Variants in DOCK11 observed in about 807,000 individuals in gnomAD.
DOCK11 encodes the protein dedicator of cytokinesis protein 11.
Under a neutral mutation model 169.1 loss-of-function variants are expected in DOCK11, and 70 were observed. The ratio of observed to expected loss-of-function variants is 0.41; its 90% CI spans 0.34 to 0.51. DOCK11 has a LOEUF of 0.51. Among genes scored for constraint, DOCK11 ranks in the 20% least tolerant of loss-of-function variants. The pLI is 0.10. For missense variants in DOCK11, 1,166 were observed against 1,538.8 expected, an observed-to-expected ratio of 0.76 and a Z score of 4.05; for synonymous variants, 529 against 541.3, an observed-to-expected ratio of 0.98 and a Z score of 0.32.
At chrX:118,510,081 G>T (rs2057640386) in intron 1 of DOCK11, among the ~76,000 whole-genome samples, 2 of 112,215 alleles carry the variant, frequency 1.8e-5, no homozygotes. Flanking sequence ...AATCATGCCT[G>T]CAAAGTCTTC....
chrX:118,531,046 T>G (rs1407909286), intron 1 of DOCK11, among the ~76,000 whole-genome samples: 1 of 111,840 alleles, frequency 8.9e-6, no homozygotes, highest in African/African-American at 3.3e-5. Context: ...CATTGAAAAC[T>G]AACCATTGGA....
chrX:118,656,854 C>A (rs185478775), intron 44 of DOCK11, among the ~76,000 whole-genome samples: 1 of 111,055 alleles, frequency 9.0e-6, no homozygotes, highest in East Asian at 2.8e-4. Context: ...AGCGCTTGAA[C>A]CCAGGAGGCG....
intron 35 of DOCK11, chrX:118,633,967 C>T (rs965376058): frequency 4.4e-5 from 5 of 112,612 alleles, no homozygotes; most frequent in African/African-American, 1.3e-4. Flanking sequence ...CTTTCTCTAG[C>T]GCAAGCCTGT....
At chrX:118,608,493 T>C in intron 26 of DOCK11, 137 bp downstream of exon 26, 1 of 763,756 alleles carries the variant, frequency 1.3e-6, no homozygotes, top group Non-Finnish European at 1.9e-6. Context: ...CATGCATCCT[T>C]TTCCTGAAGT....
At chrX:118,617,638 G>A (rs1429774044) in intron 30 of DOCK11, among the ~76,000 whole-genome samples, 1 of 110,486 alleles carries the variant, frequency 9.1e-6, no homozygotes, top group Admixed American at 9.7e-5. Context: ...CCAGCACTTC[G>A]GGAGGCCAAG....
chrX:118,573,703 C>A, intron 11 of DOCK11, 103 bp from the exon 12 acceptor site: 2 of 618,269 alleles, frequency 3.2e-6, no homozygotes, highest in East Asian at 3.3e-5. Context: ...GAATTGTAAT[C>A]ACAGAAACTG....
intron 49 of DOCK11, 117 bp from the exon 50 acceptor site, chrX:118,680,941 A>C: frequency 2.8e-6 from 2 of 715,719 alleles, no homozygotes; most frequent in Non-Finnish European, 4.1e-6. Flanking sequence ...TGGGACCCTA[A>C]GTCATCTTCT....
chrX:118,635,166 G>C (rs1305067239), intron 35 of DOCK11, among the ~76,000 whole-genome samples: 1 of 112,138 alleles, frequency 8.9e-6, no homozygotes. Flanking sequence ...GACCTCCCCT[G>C]TTCCCTCATC....
chrX:118,524,427 A>G (rs2011327609), intron 1 of DOCK11, among the ~76,000 whole-genome samples: 1 of 111,672 alleles, frequency 9.0e-6, no homozygotes, highest in Non-Finnish European at 1.9e-5. Flanking sequence ...ATCAGAGGAC[A>G]CTAACAGGAG....
chrX:118,668,756 G>T (rs1356651964), intron 45 of DOCK11, among the ~76,000 whole-genome samples: 1 of 111,275 alleles, frequency 9.0e-6, no homozygotes, highest in Non-Finnish European at 1.9e-5. Flanking sequence ...GATGTGTAGT[G>T]TCTTGCCTAC....
At chrX:118,507,394 G>A (rs2057620917) in intron 1 of DOCK11, among the ~76,000 whole-genome samples, 1 of 108,308 alleles carries the variant, frequency 9.2e-6, no homozygotes, top group Non-Finnish European at 1.9e-5. Context: ...CGGAGACAGA[G>A]TCTTGCTCTG....
At chrX:118,627,048 G>A (rs1258405624) in intron 32 of DOCK11, among the ~76,000 whole-genome samples, 1 of 111,956 alleles carries the variant, frequency 8.9e-6, no homozygotes, top group Admixed American at 9.5e-5. Flanking sequence ...TAGGCAACAT[G>A]GGAAAACCCC....
chrX:118,680,518 A>G lies in DOCK11; in HGVS notation c.5497A>G (p.Ile1833Val). Residue 1833 changes from isoleucine to valine, a missense_variant, in exon 49 of 53, where the codon ATA becomes GTA. Coordinates refer to ENST00000276202, the MANE Select transcript of DOCK11 (RefSeq NM_144658.4). ...AKELDPKYAH[I>V]QVTYVKPYFD... ...AGAGCTTGATCCAAAATATGCTCAT[A>G]TACAAGTTACTTATGTGAAGCCTTA... The G allele has an allele frequency of 8.3e-7, 1 of 1,205,974 alleles. No individual in the cohort carries two copies.
At chrX:118,626,232 A>T (rs756350239) in intron 32 of DOCK11, among the ~76,000 whole-genome samples, 1 of 83,729 alleles carries the variant, frequency 1.2e-5, no homozygotes, top group South Asian at 8.1e-4. Context: ...CGCCCGGCTA[A>T]TTTTTTTTGT....
intron 41 of DOCK11, among the ~76,000 whole-genome samples, chrX:118,650,953 A>G (rs1186355007): frequency 1.8e-5 from 2 of 112,025 alleles, no homozygotes; most frequent in Non-Finnish European, 3.8e-5. Context: ...CAGAAAGGTT[A>G]AATAGCTTTT....
chrX:118,545,350 T>C lies in DOCK11; in HGVS notation c.420T>C (p.Pro140=). The C allele has an allele frequency of 8.3e-7, 1 of 1,202,616 alleles. No individual in the cohort carries two copies. The highest frequency in any genetic ancestry group is 1.1e-6 in the Non-Finnish European group (1 of 890,820). The change falls in exon 5 of 53, where the codon CCT becomes CCC. Residue 140 remains proline (P), a synonymous_variant. Transcript: ENST00000276202. The stretch of plus-strand genomic sequence containing the variant: ...AATCTTTGAGACCAGAAAAGATTCC[T>C]AATCATGTATTTGAGATAGATGAAG... ...PCKSLRPEKI[P]NHVFEIDEDC... is the part of the protein sequence containing the mutation.
chrX:118,514,046 G>A (rs1357222911), intron 1 of DOCK11, among the ~76,000 whole-genome samples: 2 of 111,634 alleles, frequency 1.8e-5, no homozygotes, highest in African/African-American at 6.5e-5. Flanking sequence ...AACAAGTGGA[G>A]GTAATTGGAT....
rs767753767 is a variant in DOCK11, at chrX:118,630,463, C to T, written c.3859C>T (p.Leu1287=). Residue 1287 remains leucine, a synonymous_variant, in exon 35 of 53, where the codon CTG becomes TTG. Coordinates refer to ENST00000276202, the MANE Select transcript of DOCK11 (RefSeq NM_144658.4). The part of the protein sequence containing the change: ...YEIRSLLMCY[L]YIVKMISEDT... Reference sequence around the variant, plus strand: ...AATCAGAAGCCTCCTGATGTGCTACCTGTATATAGTAAAAATGATTTCAGA... The same window carrying T: ...AATCAGAAGCCTCCTGATGTGCTACTTGTATATAGTAAAAATGATTTCAGA... 4.2e-6 allele frequency: 5 copies of T among 1,201,085 alleles called. No individual in the cohort carries two copies. Among genetic ancestry groups the T allele is most frequent in the Non-Finnish European group, 5.6e-6 (5 of 887,779 alleles).
intron 44 of DOCK11, among the ~76,000 whole-genome samples, chrX:118,658,396 G>GA (rs921581052): frequency 3.6e-5 from 4 of 112,074 alleles, no homozygotes; most frequent in African/African-American, 9.7e-5. Flanking sequence ...CGTTTTTAAG[G>GA]AAAAAAAATA....
Sources: gnomAD v4.1 joint callset for allele counts (sites outside exome capture counted in the v4.1 genomes callset) on GRCh38, gnomAD v4.1.1 for gene constraint, MANE v1.5 for transcripts, NCBI Gene and HGNC (gene_info 2026-07-23, HGNC 2026-07-21) for gene names.